EMC1: variants seen among roughly 807,000 people sequenced by gnomAD.
The protein encoded by EMC1 is KIAA0090.
EMC1 carries 103 observed loss-of-function variants against 128.8 expected under a neutral mutation model. The observed-to-expected ratio is 0.80, with a 90% CI of 0.68 to 0.94. The LOEUF (loss-of-function observed/expected upper bound fraction) is 0.94. EMC1 is among the 40% of genes least tolerant of loss of function. EMC1 has a pLI of 0.00. For synonymous variants in EMC1, 442 were observed against 490.4 expected (o/e 0.90, Z 1.30); for missense variants, 1,083 against 1,250.6 (o/e 0.87, Z 2.02).
In EMC1 at chr1:19,218,722, G is replaced by A. The variant is rs1448658745; in HGVS notation, c.*581C>T. On this transcript the variant is annotated 3_prime_UTR_variant, in exon 23 of 23. Transcript: ENST00000477853. ...AAAGTAAGTTTTGACATCACATATA[G>A]ATCCCTCAACCCTAAGTTACTTTGG... 6.5e-6 allele frequency: 1 copy of A among 152,934 alleles called. No homozygotes were observed. The highest frequency in any genetic ancestry group is 1.5e-5 in the Non-Finnish European group (1 of 68,634). 9.5% of individuals were successfully genotyped at this position (152,934 alleles called of 1,614,324 possible).
chr1:19,239,421 G>T, intron 8 of EMC1, 119 bp from the exon 9 acceptor site: 1 of 802,598 alleles, frequency 1.2e-6, no homozygotes, highest in Non-Finnish European at 2.1e-6. Context: ...TCCCCACTTT[G>T]GAGCAGAATG....
At chr1:19,251,341 A>T in intron 1 of EMC1, 74 bp downstream of exon 1, 1 of 1,360,854 alleles carries the variant, frequency 7.3e-7, no homozygotes, top group Non-Finnish European at 1.0e-6. Context: ...GTTAAGTGAC[A>T]ACCTTTAGCA....
intron 11 of EMC1, among the ~76,000 whole-genome samples, chr1:19,237,446 T>A (rs945690113): frequency 6.6e-6 from 1 of 152,158 alleles, no homozygotes; most frequent in African/African-American, 2.4e-5. Flanking sequence ...CCCAGACCTT[T>A]CCATGGAAGA....
At chr1:19,232,864 C>T in intron 14 of EMC1, 72 bp downstream of exon 14, 1 of 1,604,534 alleles carries the variant, frequency 6.2e-7, no homozygotes, top group Non-Finnish European at 8.5e-7. Context: ...TGTTATCCCT[C>T]ACTGAAGGCT....
At chr1:19,235,889 T>C (rs2093559651) in intron 12 of EMC1, among the ~76,000 whole-genome samples, 1 of 151,596 alleles carries the variant, frequency 6.6e-6, no homozygotes, top group Non-Finnish European at 1.5e-5. Context: ...AGACCTTGTC[T>C]CAAAAAATAA....
chr1:19,242,253 G>T, intron 5 of EMC1, 92 bp downstream of exon 5: 1 of 1,427,202 alleles, frequency 7.0e-7, no homozygotes, highest in Non-Finnish European at 9.8e-7. Context: ...ACAGGCCTGG[G>T]TTAAAGCAAA....
intron 15 of EMC1, among the ~76,000 whole-genome samples, chr1:19,231,783 G>C (rs1178346607): frequency 6.6e-6 from 1 of 152,074 alleles, no homozygotes; most frequent in African/African-American, 2.4e-5. Flanking sequence ...ACCACACGTG[G>C]CTAATTCTGT....
At chr1:19,225,989 A>G (rs1273980998) in intron 18 of EMC1, among the ~76,000 whole-genome samples, 2 of 152,134 alleles carry the variant, frequency 1.3e-5, no homozygotes, top group African/African-American at 4.8e-5. Context: ...TAAGAGATGA[A>G]CAGCTAGGCC....
chr1:19,223,286 G>A (rs1283289291), intron 19 of EMC1, 110 bp downstream of exon 19: 2 of 1,012,002 alleles, frequency 2.0e-6, no homozygotes, highest in East Asian at 2.4e-5. Flanking sequence ...CTGCCATCCA[G>A]GGAATTTGAG....
chr1:19,235,473 C>A (rs552007484), intron 12 of EMC1, among the ~76,000 whole-genome samples: 23 of 152,148 alleles, frequency 1.5e-4, no homozygotes, highest in Admixed American at 7.9e-4. Context: ...GAGGCCAAGG[C>A]GGGCAGATCA....
At position 19,222,774 on chromosome 1, in the gene EMC1, C is replaced by T. The variant is rs1285872399; in HGVS notation, c.2437G>A (p.Gly813Ser). 3 of 1,614,084 alleles carry T rather than the reference C, an allele frequency of 1.9e-6. No homozygotes were observed. The highest frequency in any genetic ancestry group is 2.2e-5 in the East Asian group (1 of 44,878). ...GCGGTGGCGTTGTATTGCTCAGTGC[C>T]CTCATAGAGCTCCAGTACGGTAAAC... ...NEFTVLELYEGTEQYNATAFS... is the reference protein window; with the variant it reads ...NEFTVLELYESTEQYNATAFS... The change falls in exon 20 of 23, where the codon GGC becomes AGC. Residue 813 changes from glycine to serine, a missense_variant. By Grantham distance (56) the Gly-to-Ser change is moderately conservative. Around this residue, in one of 3 missense-constraint regions of EMC1, gnomAD observed 527 missense variants for 644.1 expected, o/e 0.82. Coordinates refer to ENST00000477853, the MANE Select transcript of EMC1 (RefSeq NM_015047.3).
At position 19,219,704 on chromosome 1, in the gene EMC1, A is replaced by C; in HGVS notation, c.2673-6T>G. 7 of 1,614,046 alleles carry C rather than the reference A, an allele frequency of 4.3e-6. No individual in the cohort carries two copies. The highest frequency in any genetic ancestry group is 5.9e-6 in the Non-Finnish European group (7 of 1,179,982). On this transcript the variant is annotated splice_polypyrimidine_tract_variant and splice_region_variant and intron_variant, in intron 21 of 22. Coordinates refer to ENST00000477853, the MANE Select transcript of EMC1 (RefSeq NM_015047.3). Reference sequence around the variant, plus strand: ...ACGGGATTAAGTTCTCCTCTCTGCAAAACACCAGCCGGGACAGGCAGTCTG... The same window carrying C: ...ACGGGATTAAGTTCTCCTCTCTGCACAACACCAGCCGGGACAGGCAGTCTG...
chr1:19,225,807 A>C (rs903301818), intron 18 of EMC1, among the ~76,000 whole-genome samples: 10 of 151,426 alleles, frequency 6.6e-5, no homozygotes, highest in African/African-American at 2.4e-4. Context: ...CAACATGGCA[A>C]GACCCTGTCT....
chr1:19,239,602 G>C lies in EMC1; in HGVS notation c.954+216C>G, dbSNP rs113290741. ...CCATATTTCCTTTGGACTAAGGAAG[G>C]CACTAGTTTTGCTCTAAAGATCCTT... On this transcript the variant is annotated intron_variant, in intron 8 of 22. Transcript: ENST00000477853. The C allele has an allele frequency of 8.5e-6, 5 of 589,386 alleles. No individual in the cohort carries two copies. The East Asian group carries it at 8.5e-5, about 10-fold the overall frequency. 36.5% of individuals were successfully genotyped at this position (589,386 alleles called of 1,614,324 possible).
At position 19,219,019 on chromosome 1, in the gene EMC1, C is replaced by T. The variant is rs1397551685; in HGVS notation, c.*284G>A. On this transcript the variant is annotated 3_prime_UTR_variant, in exon 23 of 23. Transcript: ENST00000477853. ...ACAAAACAGAACATTCATGGATGGG[C>T]AAAGAAAGGAAACAATGCAGACGCC... is the stretch of plus-strand genomic sequence containing the variant. 3 of 303,150 alleles carry T rather than the reference C, an allele frequency of 9.9e-6. No individual in the cohort carries two copies. The highest frequency in any genetic ancestry group is 1.2e-5 in the Non-Finnish European group (2 of 163,052). The allele number at this position is 303,150 out of a possible 1,614,324, so 18.8% of individuals were successfully genotyped here.
At chr1:19,236,992 GC>G in intron 12 of EMC1, 149 bp downstream of exon 12, 1 of 291,432 alleles carries the variant, frequency 3.4e-6, no homozygotes, top group Non-Finnish European at 6.1e-6. Flanking sequence ...AAAAAAAAAA[GC>G]AGGTGACATT....
chr1:19,232,564 G>A, intron 15 of EMC1, 60 bp downstream of exon 15: 1 of 1,595,554 alleles, frequency 6.3e-7, no homozygotes, highest in Non-Finnish European at 8.6e-7. Context: ...AGCAATTTAA[G>A]TTACAAAATA....
intron 17 of EMC1, among the ~76,000 whole-genome samples, chr1:19,228,577 C>T (rs892625656): frequency 1.3e-5 from 2 of 152,112 alleles, no homozygotes; most frequent in African/African-American, 2.4e-5. Flanking sequence ...TCACCAGGTA[C>T]ACAAGTGTAT....
chr1:19,233,178 G>T, intron 13 of EMC1, 43 bp from the exon 14 acceptor site: 1 of 1,534,234 alleles, frequency 6.5e-7, no homozygotes, highest in Non-Finnish European at 8.9e-7. Context: ...CAGACTAGGG[G>T]TCCATAAGGA....
Sources: gnomAD v4.1 joint callset for allele counts (sites outside exome capture counted in the v4.1 genomes callset) on GRCh38, gnomAD v4.1.1 for gene constraint, gnomAD v4.1.1 regional missense constraint, MANE v1.5 for transcripts, NCBI Gene and HGNC (gene_info 2026-07-23, HGNC 2026-07-21) for gene names.